Variants in GRID2 observed in about 807,000 individuals in gnomAD.
The protein encoded by GRID2 is glutamate receptor ionotropic, delta-2.
GRID2 carries 33 observed loss-of-function variants against 114.8 expected under a neutral mutation model. The ratio of observed to expected loss-of-function variants is 0.29; its 90% CI spans 0.22 to 0.38. The LOEUF (loss-of-function observed/expected upper bound fraction) is 0.38, where lower values mean the gene tolerates loss of function less well. Among genes scored for constraint, GRID2 ranks in the 10% least tolerant of loss-of-function variants. The pLI is 1.00. For missense variants in GRID2, 1,184 were observed against 1,257.7 expected (o/e 0.94, Z 0.89); for synonymous variants, 505 against 449.9 (o/e 1.12, Z -1.55).
intron 1 of GRID2, among the ~76,000 whole-genome samples, chr4:92,318,157 A>G (rs1726097662): frequency 6.6e-6 from 1 of 151,932 alleles, no homozygotes; most frequent in African/African-American, 2.4e-5. Context: ...GATAAATGCA[A>G]AAATCTGACT....
intron 4 of GRID2, among the ~76,000 whole-genome samples, chr4:93,184,097 A>C (rs544236101): frequency 2.6e-5 from 4 of 152,318 alleles, no homozygotes; most frequent in Admixed American, 1.3e-4. Flanking sequence ...TTGAAAGAAA[A>C]TGGTTTGTAG....
intron 2 of GRID2, among the ~76,000 whole-genome samples, chr4:92,693,415 A>G (rs1042225926): frequency 1.3e-5 from 2 of 152,196 alleles, no homozygotes; most frequent in African/African-American, 4.8e-5. Flanking sequence ...GCAGTTTTGC[A>G]TCTGTTTTTC....
Position 93,627,111 on chromosome 4 carries a change from G to T in GRID2, c.2360+676G>T, listed in dbSNP as rs545114445. Among the ~76,000 whole-genome samples the T allele has an allele frequency of 2.0e-5, 3 of 152,276 alleles. No individual in the cohort carries two copies. In the South Asian group the frequency reaches 6.2e-4, roughly 32 times the overall value. On this transcript the variant is annotated intron_variant, in intron 14 of 15. Transcript: ENST00000282020. ...CTTGGGCCTCAAAGGAGTGCACAAA[G>T]ATTACTGCATTTCATTATATCTCCT... is the stretch of plus-strand genomic sequence containing the variant.
At chr4:93,233,423 A>G (rs1204199446) in intron 7 of GRID2, among the ~76,000 whole-genome samples, 2 of 151,420 alleles carry the variant, frequency 1.3e-5, no homozygotes, top group South Asian at 2.1e-4. Flanking sequence ...GCTCACTGCA[A>G]CCTCTGCCTC....
chr4:92,321,495 A>C (rs891533054), intron 1 of GRID2, among the ~76,000 whole-genome samples: 10 of 152,196 alleles, frequency 6.6e-5, no homozygotes, highest in Non-Finnish European at 1.3e-4. Context: ...TCTAATATGT[A>C]AAGTCAGTGA....
chr4:93,303,209 G>C (rs1354657738), intron 8 of GRID2, among the ~76,000 whole-genome samples: 1 of 152,122 alleles, frequency 6.6e-6, no homozygotes, highest in African/African-American at 2.4e-5. Flanking sequence ...CTCCCTCCAG[G>C]CACCTCCTCT....
At chr4:93,061,675 A>G (rs1378281326) in intron 2 of GRID2, among the ~76,000 whole-genome samples, 1 of 152,138 alleles carries the variant, frequency 6.6e-6, no homozygotes, top group Non-Finnish European at 1.5e-5. Context: ...CACAAGTGAA[A>G]ACTAAGCAGA....
At chr4:92,436,531 T>C (rs561073399) in intron 1 of GRID2, among the ~76,000 whole-genome samples, 2 of 152,120 alleles carry the variant, frequency 1.3e-5, no homozygotes, top group South Asian at 2.1e-4. Flanking sequence ...GTTTACATTT[T>C]TGAATTTGTT....
chr4:92,646,735 A>T (rs1731651383), intron 2 of GRID2, among the ~76,000 whole-genome samples: 1 of 152,246 alleles, frequency 6.6e-6, no homozygotes. Context: ...TATCTTCATG[A>T]ACATAAGTAT....
intron 13 of GRID2, among the ~76,000 whole-genome samples, chr4:93,625,186 G>C (rs1405474180): frequency 6.6e-6 from 1 of 152,176 alleles, no homozygotes; most frequent in African/African-American, 2.4e-5. Flanking sequence ...GAGTACAGAA[G>C]CCCACCTGGC....
At chr4:93,439,710 G>A (rs961718737) in intron 10 of GRID2, among the ~76,000 whole-genome samples, 2 of 152,006 alleles carry the variant, frequency 1.3e-5, no homozygotes, top group Non-Finnish European at 2.9e-5. Context: ...TATTTTTGCT[G>A]CGAGGGGAAA....
chr4:93,594,253 T>C (rs1738768668), intron 13 of GRID2, among the ~76,000 whole-genome samples: 1 of 152,068 alleles, frequency 6.6e-6, no homozygotes, highest in Non-Finnish European at 1.5e-5. Context: ...CCTTTCTGTT[T>C]GTTAGTTTTC....
intron 3 of GRID2, among the ~76,000 whole-genome samples, chr4:93,093,899 C>A (rs1730987898): frequency 6.6e-6 from 1 of 152,074 alleles, no homozygotes; most frequent in South Asian, 2.1e-4. Context: ...ATAAGCAAGG[C>A]ACTTTCTGTT....
intron 6 of GRID2, among the ~76,000 whole-genome samples, chr4:93,223,600 A>C (rs1745142938): frequency 6.6e-6 from 1 of 152,184 alleles, no homozygotes; most frequent in African/African-American, 2.4e-5. Context: ...AACCGTGATA[A>C]CAATATACTT....
chr4:92,704,738 TCTCTCTCCCTCC>T (rs1358575019), intron 2 of GRID2, among the ~76,000 whole-genome samples: 2 of 150,506 alleles, frequency 1.3e-5, no homozygotes, highest in Admixed American at 6.6e-5. Flanking sequence ...TCTCTCTCTC[TCTCTCTCCCTCC>T]CTCTCTCCCT....
In GRID2 at chr4:92,557,644, G is replaced by T. The variant is rs200036526; in HGVS notation, c.89-32487G>T. On this transcript the variant is annotated intron_variant, in intron 1 of 15. Transcript: ENST00000282020. ...ATACTTCACTGCATATATATATATG[G>T]TTATATATATATATATAACCAAACT... Among the ~76,000 whole-genome samples the T allele has an allele frequency of 2.4e-4, 19 of 79,788 alleles. No homozygotes were observed. In the Admixed American group the frequency reaches 2.4e-3, roughly 10 times the overall value. The allele number at this position is 79,788 out of a possible 152,430, so 52.3% of individuals were successfully genotyped here.
At position 93,037,250 on chromosome 4, in the gene GRID2, T is replaced by C. The variant is rs568742745; in HGVS notation, c.245-47745T>C. Among the ~76,000 whole-genome samples the C allele has an allele frequency of 1.1e-4, 17 of 152,322 alleles. No individual in the cohort carries two copies. The South Asian group carries it at 3.5e-3, about 32-fold the overall frequency. On this transcript the variant is annotated intron_variant, in intron 2 of 15. Coordinates refer to ENST00000282020, the MANE Select transcript of GRID2 (RefSeq NM_001510.4). ...CAAAATTGTTTTAAAAATGTTGAGC[T>C]AGTTACTTCTTGAGGAAGGAGAAAG...
At chr4:93,307,228 A>T (rs1348062426) in intron 8 of GRID2, among the ~76,000 whole-genome samples, 2 of 151,906 alleles carry the variant, frequency 1.3e-5, no homozygotes, top group East Asian at 1.9e-4. Context: ...AAAAAAAAAA[A>T]ATAAGAGGAA....
chr4:92,871,879 T>C (rs998705183), intron 2 of GRID2, among the ~76,000 whole-genome samples: 2 of 152,180 alleles, frequency 1.3e-5, no homozygotes, highest in Non-Finnish European at 2.9e-5. Flanking sequence ...TTTACTACCT[T>C]GAGGGGCTCT....
Sources: gnomAD v4.1 joint callset for allele counts (sites outside exome capture counted in the v4.1 genomes callset) on GRCh38, gnomAD v4.1.1 for gene constraint, MANE v1.5 for transcripts, NCBI Gene and HGNC (gene_info 2026-07-23, HGNC 2026-07-21) for gene names.